PRAMEF11: variants seen among roughly 807,000 people sequenced by gnomAD.
PRAMEF11 encodes PRAME family member 11.
Under a neutral mutation model 33.6 loss-of-function variants are expected in PRAMEF11, and 17 were observed. The ratio of observed to expected loss-of-function variants is 0.51; its 90% CI spans 0.35 to 0.76. The LOEUF is 0.76. PRAMEF11 is among the 30% of genes least tolerant of loss of function. The pLI, the probability that PRAMEF11 is intolerant of heterozygous loss-of-function variation, is 0.01. For missense variants in PRAMEF11, 568 were observed against 567.0 expected (o/e 1.00, Z -0.02); for synonymous variants, 205 against 227.3 (o/e 0.90, Z 0.88).
chr1:12,827,963 C>G lies in PRAMEF11; in HGVS notation c.294-133G>C, dbSNP rs917805880. 3.2e-5 allele frequency: 48 copies of G among 1,498,260 alleles called. 1 individual carries two copies. Among genetic ancestry groups the G allele is most frequent in the Admixed American group, 2.0e-4 (10 of 50,580 alleles). 92.8% of individuals were successfully genotyped at this position (1,498,260 alleles called of 1,614,324 possible). ...TGAGTTTTCTTCACCCTGTTTTCCC[C>G]TTGGATCCTACCCACTTCCACATTT... On this transcript the variant is annotated intron_variant, in intron 2 of 3. Coordinates refer to ENST00000619922, the MANE Select transcript of PRAMEF11 (RefSeq NM_001146344.3).
intron 1 of PRAMEF11, among the ~76,000 whole-genome samples, chr1:12,830,164 C>A (rs961514479): frequency 2.6e-5 from 4 of 151,316 alleles, no homozygotes; most frequent in African/African-American, 9.7e-5. Context: ...GTTGAGGGAT[C>A]CTTGGCCATG....
chr1:12,824,757 T>C lies in PRAMEF11; in HGVS notation c.*185A>G, dbSNP rs2486711. The C allele has an allele frequency of 0.35, 324,105 of 920,154 alleles. 64,710 individuals are homozygous for C. Among genetic ancestry groups the C allele is most frequent in the African/African-American group, 0.71 (40,842 of 57,232 alleles). The allele number at this position is 920,154 out of a possible 1,614,324, so 57.0% of individuals were successfully genotyped here. On this transcript the variant is annotated 3_prime_UTR_variant, in exon 4 of 4. Coordinates refer to ENST00000619922, the MANE Select transcript of PRAMEF11 (RefSeq NM_001146344.3). Reference sequence around the variant, plus strand: ...AGGATACAGGTTCCCAAAGTCCCATTGAATCCATGGCAACATTTCCCCCAA... The same window carrying C: ...AGGATACAGGTTCCCAAAGTCCCATCGAATCCATGGCAACATTTCCCCCAA...
At position 12,827,473 on chromosome 1, in the gene PRAMEF11, C is replaced by T. The variant is rs117099128; in HGVS notation, c.651G>A (p.Lys217=). ...ACTGTGTCAGGATGGGCAGTATCCACTTGCAATTCACTTCCACCTCCTGGA... is the reference window on the plus strand; with the variant it reads ...ACTGTGTCAGGATGGGCAGTATCCATTTGCAATTCACTTCCACCTCCTGGA... ...DCIQEVEVNC[K]WILPILTQFT... Residue 217 remains lysine (K), a synonymous_variant, in exon 3 of 4, where the codon AAG becomes AAA. Transcript: ENST00000619922. 3.7e-6 allele frequency: 6 copies of T among 1,605,056 alleles called. No homozygotes were observed. Among genetic ancestry groups the T allele is most frequent in the Non-Finnish European group, 3.4e-6 (4 of 1,175,272 alleles).
At position 12,826,365 on chromosome 1, in the gene PRAMEF11, A is replaced by G. The variant is rs533805890; in HGVS notation, c.876-862T>C. ...AGAGATGGGATCATTCATGTTCACC[A>G]AACTGTGGGGCACAAAGCTGATTTT... is the stretch of plus-strand genomic sequence containing the variant. On this transcript the variant is annotated intron_variant, in intron 3 of 3. Coordinates refer to ENST00000619922, the MANE Select transcript of PRAMEF11 (RefSeq NM_001146344.3). Among the ~76,000 whole-genome samples, 151 of 151,316 alleles carry G rather than the reference A, an allele frequency of 1.0e-3. 2 individuals are homozygous for G. The highest frequency in any genetic ancestry group is 3.4e-3 in the Middle Eastern group (1 of 290).
intron 2 of PRAMEF11, among the ~76,000 whole-genome samples, chr1:12,828,040 C>T (rs2100343566): frequency 6.7e-6 from 1 of 149,890 alleles, no homozygotes; most frequent in Non-Finnish European, 1.5e-5. Context: ...GGCTAGAGTG[C>T]AGTGGTGTGA....
Position 12,824,788 on chromosome 1 carries a change from G to C in PRAMEF11, c.*154C>G. ...CATGGCAACATTTCCCCCAAGTCCTGCCCCTGCTTGATCAGCTTTCCTTTC... is the reference window on the plus strand; with the variant it reads ...CATGGCAACATTTCCCCCAAGTCCTCCCCCTGCTTGATCAGCTTTCCTTTC... On this transcript the variant is annotated 3_prime_UTR_variant, in exon 4 of 4. Transcript: ENST00000619922. 8.2e-7 allele frequency: 1 copy of C among 1,216,324 alleles called. No homozygotes were observed. Among genetic ancestry groups the C allele is most frequent in the Admixed American group, 2.6e-5 (1 of 37,856 alleles). The allele number at this position is 1,216,324 out of a possible 1,614,324, so 75.3% of individuals were successfully genotyped here.
intron 2 of PRAMEF11, 57 bp downstream of exon 2, chr1:12,828,440 C>A (rs1639924863): frequency 6.5e-6 from 10 of 1,546,624 alleles, no homozygotes; most frequent in Non-Finnish European, 8.8e-6. Context: ...CATGACCCAG[C>A]TGTTCCTTCA....
intron 1 of PRAMEF11, among the ~76,000 whole-genome samples, chr1:12,829,876 CAGAG>C (rs1347615131): frequency 6.6e-6 from 1 of 151,244 alleles, no homozygotes; most frequent in Non-Finnish European, 1.5e-5. Flanking sequence ...AACAGAGAGA[CAGAG>C]AGAGCTACAT....
intron 1 of PRAMEF11, among the ~76,000 whole-genome samples, chr1:12,830,252 A>G (rs952652832): frequency 1.3e-5 from 2 of 151,380 alleles, no homozygotes; most frequent in Non-Finnish European, 2.9e-5. Context: ...ACACAGTAGA[A>G]ATCTTCATAT....
rs758677163 is a variant in PRAMEF11, at chr1:12,825,032, G to T, written c.1347C>A (p.His449Gln). The T allele has an allele frequency of 6.2e-7, 1 of 1,609,740 alleles. No individual in the cohort carries two copies. The change falls in exon 4 of 4, where the codon CAC becomes CAA. Residue 449 changes from histidine to glutamine, a missense_variant. Around this residue, in one of 3 missense-constraint regions of PRAMEF11, gnomAD observed 174 missense variants for 127.2 expected, o/e 1.37. Transcript: ENST00000619922. ...CAGTACAGAACAAGATCCTCTTGGG[G>T]TGCCTTAAGTGCCTCACTTTCTTCA... ...ELMKKVRHLR[H>Q]PKRILFCTDN... is the part of the protein sequence containing the mutation.
chr1:12,830,464 G>A (rs1639982139), intron 1 of PRAMEF11, among the ~76,000 whole-genome samples: 1 of 151,342 alleles, frequency 6.6e-6, no homozygotes. Context: ...CTCCATTTGG[G>A]TGGAAGAGGA....
At chr1:12,830,900 T>G (rs1239529769) in intron 1 of PRAMEF11, among the ~76,000 whole-genome samples, 2 of 149,868 alleles carry the variant, frequency 1.3e-5, no homozygotes, top group Admixed American at 6.7e-5. Flanking sequence ...GACTGAGGCA[T>G]GAGAATTGCT....
intron 3 of PRAMEF11, 120 bp downstream of exon 3, chr1:12,827,129 C>T (rs1416140691): frequency 2.6e-6 from 4 of 1,564,658 alleles, no homozygotes; most frequent in Non-Finnish European, 3.5e-6. Flanking sequence ...AATGCATGGA[C>T]ATTCTAGTGT....
In PRAMEF11 at chr1:12,824,869, C is replaced by T. The variant is rs1639821121; in HGVS notation, c.*73G>A. 1.9e-6 allele frequency: 3 copies of T among 1,580,538 alleles called. No homozygotes were observed. Among genetic ancestry groups the T allele is most frequent in the Non-Finnish European group, 2.6e-6 (3 of 1,156,600 alleles). On this transcript the variant is annotated 3_prime_UTR_variant, in exon 4 of 4. Coordinates refer to ENST00000619922, the MANE Select transcript of PRAMEF11 (RefSeq NM_001146344.3). ...GGTTCTGTGCTCCCTTTAGGATGTA[C>T]CTAAGACCTAGGTTTTAGTTTCCAA...
Position 12,825,133 on chromosome 1 carries a change from G to A in PRAMEF11, c.1246C>T (p.Pro416Ser). Reference protein sequence around the residue: ...ILKNLCLELYPAPQESYGADG... With the variant: ...ILKNLCLELYSAPQESYGADG... The stretch of plus-strand genomic sequence containing the variant: ...GCACCATAACTTTCCTGCGGGGCAG[G>A]ATACAGCTCCAGGCATAAGTTTTTG... The change falls in exon 4 of 4, where the codon CCT (proline) becomes TCT (serine). Residue 416 changes from proline to serine, a missense_variant. Physicochemically the swap from Pro to Ser is moderately conservative, Grantham distance 74. Coordinates refer to ENST00000619922, the MANE Select transcript of PRAMEF11 (RefSeq NM_001146344.3). The A allele has an allele frequency of 6.2e-7, 1 of 1,609,416 alleles. No homozygotes were observed. Among genetic ancestry groups the A allele is most frequent in the Non-Finnish European group, 8.5e-7 (1 of 1,177,744 alleles).
In PRAMEF11 at chr1:12,828,535, A is replaced by G. The variant is rs768968673; in HGVS notation, c.255T>C (p.Asp85=). Residue 85 remains aspartate (D), a synonymous_variant, in exon 2 of 4, where the codon GAT becomes GAC. Coordinates refer to ENST00000619922, the MANE Select transcript of PRAMEF11 (RefSeq NM_001146344.3). ...CTTGGGTAAGCAGTGCATCCAGCCCATCGAGCACAGCTTGGAAGGCCTCCA... is the reference window on the plus strand; with the variant it reads ...CTTGGGTAAGCAGTGCATCCAGCCCGTCGAGCACAGCTTGGAAGGCCTCCA... The part of the protein sequence containing the change: ...PCLEAFQAVL[D]GLDALLTQGV... The G allele has an allele frequency of 8.1e-6, 13 of 1,602,872 alleles. No individual in the cohort carries two copies. In the East Asian group the frequency reaches 2.5e-4, roughly 31 times the overall value.
chr1:12,829,606 C>T (rs1159348634), intron 1 of PRAMEF11, among the ~76,000 whole-genome samples: 10 of 151,362 alleles, frequency 6.6e-5, no homozygotes, highest in African/African-American at 1.7e-4. Context: ...CAGTGGATTT[C>T]GCTATGTTGT....
rs1485034030 is a variant in PRAMEF11 at position 12,828,436 on chromosome 1, C to T, written c.293+61G>A. 2.0e-6 allele frequency: 3 copies of T among 1,538,190 alleles called. No homozygotes were observed. The East Asian group carries it at 6.9e-5, about 36-fold the overall frequency. ...CTTGGGCCTCCTCACTTCACATGAC[C>T]CAGCTGTTCCTTCAGTTGGACACCT... On this transcript the variant is annotated intron_variant, in intron 2 of 3. Transcript: ENST00000619922.
intron 3 of PRAMEF11, among the ~76,000 whole-genome samples, chr1:12,826,448 C>A (rs1347302072): frequency 6.6e-6 from 1 of 151,368 alleles, no homozygotes; most frequent in African/African-American, 2.4e-5. Context: ...CACTTCCCTA[C>A]TTCACATCAT....
Sources: gnomAD v4.1 joint callset for allele counts (sites outside exome capture counted in the v4.1 genomes callset) on GRCh38, gnomAD v4.1.1 for gene constraint, gnomAD v4.1.1 regional missense constraint, MANE v1.5 for transcripts, NCBI Gene and HGNC (gene_info 2026-07-23, HGNC 2026-07-21) for gene names.